The following ARL15 variants were observed in gnomAD, a reference collection of about 807,000 sequenced individuals.
ARL15 encodes the protein ARF like GTPase 15.
A neutral mutation model predicts 25.2 loss-of-function variants in ARL15; 19 were observed. That is an observed-to-expected ratio of 0.75 (90% confidence interval 0.53 to 1.10). The LOEUF is 1.10. ARL15 is among the 50% of genes least tolerant of loss of function. The pLI, the probability that ARL15 is intolerant of heterozygous loss-of-function variation, is 0.00. For missense variants in ARL15, 220 were observed against 246.0 expected, an observed-to-expected ratio of 0.89 and a Z score of 0.71; for synonymous variants, 94 against 86.8, an observed-to-expected ratio of 1.08 and a Z score of -0.46.
chr5:53,917,363 T>G (rs1370009041), intron 4 of ARL15, among the ~76,000 whole-genome samples: 2 of 152,186 alleles, frequency 1.3e-5, no homozygotes, highest in Non-Finnish European at 2.9e-5. Flanking sequence ...GATGGGCCCC[T>G]AGTGGAGATA....
chr5:54,058,609 G>C lies in ARL15; in HGVS notation c.462+54593C>G, dbSNP rs565782474. On this transcript the variant is annotated intron_variant, in intron 4 of 4. Transcript: ENST00000504924. Reference sequence around the variant, plus strand: ...TGAGCTCTGGGGAAATCTGGGCAGAGGGAAAAGCACAAAAGCTCCAAGGTA... The same window carrying C: ...TGAGCTCTGGGGAAATCTGGGCAGACGGAAAAGCACAAAAGCTCCAAGGTA... Among the ~76,000 whole-genome samples the C allele has an allele frequency of 2.0e-4, 30 of 152,302 alleles. No homozygotes were observed. The East Asian group carries it at 4.2e-3, about 22-fold the overall frequency.
At chr5:54,066,504 T>C (rs981560912) in intron 4 of ARL15, among the ~76,000 whole-genome samples, 2 of 152,172 alleles carry the variant, frequency 1.3e-5, no homozygotes, top group African/African-American at 4.8e-5. Flanking sequence ...CTATATATCA[T>C]GAAAGAAGAC....
At chr5:54,109,583 T>TG (rs1212637647) in intron 4 of ARL15, among the ~76,000 whole-genome samples, 2 of 151,988 alleles carry the variant, frequency 1.3e-5, no homozygotes, top group East Asian at 3.8e-4. Flanking sequence ...CCTCCTGATC[T>TG]ATTAAATAAC....
chr5:53,902,282 T>C (rs992884775), intron 4 of ARL15, among the ~76,000 whole-genome samples: 1 of 152,252 alleles, frequency 6.6e-6, no homozygotes, highest in African/African-American at 2.4e-5. Flanking sequence ...TTGTCAAGTC[T>C]AGCTATTCTC....
At chr5:54,172,623 G>A (rs893117175) in intron 1 of ARL15, among the ~76,000 whole-genome samples, 1 of 152,136 alleles carries the variant, frequency 6.6e-6, no homozygotes, top group African/African-American at 2.4e-5. Flanking sequence ...GGGTCTTGAT[G>A]TCCACAATTA....
chr5:54,218,852 G>A (rs1182330023), intron 1 of ARL15, among the ~76,000 whole-genome samples: 1 of 152,150 alleles, frequency 6.6e-6, no homozygotes, highest in Admixed American at 6.5e-5. Context: ...TTTAACCTAT[G>A]TGATGGAGCA....
intron 4 of ARL15, among the ~76,000 whole-genome samples, chr5:54,021,746 G>T (rs998697405): frequency 1.3e-5 from 2 of 152,018 alleles, no homozygotes; most frequent in Non-Finnish European, 2.9e-5. Flanking sequence ...CCCAAATTTG[G>T]CAAAAAGACA....
At chr5:54,083,391 AATAT>A (rs1341475875) in intron 4 of ARL15, among the ~76,000 whole-genome samples, 1 of 151,386 alleles carries the variant, frequency 6.6e-6, no homozygotes, top group African/African-American at 2.5e-5. Flanking sequence ...GTTTCTCTTA[AATAT>A]TCTATGCAAT....
At chr5:54,138,113 G>T (rs1294531128) in intron 3 of ARL15, among the ~76,000 whole-genome samples, 1 of 152,100 alleles carries the variant, frequency 6.6e-6, no homozygotes, top group African/African-American at 2.4e-5. Flanking sequence ...CTTAATAAGA[G>T]TTACTAATGT....
At chr5:54,088,040 A>C (rs929870807) in intron 4 of ARL15, among the ~76,000 whole-genome samples, 2 of 152,214 alleles carry the variant, frequency 1.3e-5, no homozygotes, top group Non-Finnish European at 2.9e-5. Flanking sequence ...TTGATTGTAC[A>C]GTTACAAAAA....
chr5:54,098,938 GAGAGTA>G (rs1752360994), intron 4 of ARL15, among the ~76,000 whole-genome samples: 4 of 152,182 alleles, frequency 2.6e-5, no homozygotes, highest in Non-Finnish European at 5.9e-5. Flanking sequence ...ATTTAAATCT[GAGAGTA>G]AGAGTTGGTG....
At chr5:54,288,396 C>T (rs1445359390) in intron 1 of ARL15, among the ~76,000 whole-genome samples, 1 of 152,188 alleles carries the variant, frequency 6.6e-6, no homozygotes, top group African/African-American at 2.4e-5. Flanking sequence ...TAATTTTGGA[C>T]CATAAGCTTA....
chr5:54,199,255 G>T (rs9764590), intron 1 of ARL15, among the ~76,000 whole-genome samples: 2 of 151,768 alleles, frequency 1.3e-5, no homozygotes, highest in Non-Finnish European at 2.9e-5. Context: ...TTCATGTCTA[G>T]AACACCAAAA....
chr5:53,978,436 C>G (rs551495468), intron 4 of ARL15, among the ~76,000 whole-genome samples: 1 of 151,664 alleles, frequency 6.6e-6, no homozygotes, highest in African/African-American at 2.4e-5. Context: ...TTAGCTTCCC[C>G]GAAACTTGTT....
At chr5:54,244,621 G>A (rs1757039342) in intron 1 of ARL15, among the ~76,000 whole-genome samples, 1 of 152,084 alleles carries the variant, frequency 6.6e-6, no homozygotes, top group Admixed American at 6.5e-5. Context: ...TAAATATAAA[G>A]TAATGGGCTT....
chr5:54,143,925 C>T (rs1049819997), intron 3 of ARL15, among the ~76,000 whole-genome samples: 46 of 151,932 alleles, frequency 3.0e-4, no homozygotes, highest in African/African-American at 1.1e-3. Flanking sequence ...CTTTAAGACA[C>T]ATAAACTTCA....
chr5:54,234,364 T>C (rs1756748112), intron 1 of ARL15, among the ~76,000 whole-genome samples: 1 of 151,970 alleles, frequency 6.6e-6, no homozygotes, highest in African/African-American at 2.4e-5. Context: ...TAAATATCAA[T>C]ACCCACATTA....
intron 4 of ARL15, among the ~76,000 whole-genome samples, chr5:53,917,049 GGAGAACAA>G (rs1745675264): frequency 2.0e-5 from 3 of 152,118 alleles, no homozygotes; most frequent in African/African-American, 7.2e-5. Context: ...TTTTCTTGCT[GGAGAACAA>G]AAGCATCAGG....
rs143961351 is a variant in ARL15 at position 54,308,691 on chromosome 5, A to G, written c.48+1741T>C. On this transcript the variant is annotated intron_variant, in intron 1 of 4. Coordinates refer to ENST00000504924, the MANE Select transcript of ARL15 (RefSeq NM_019087.3). The stretch of plus-strand genomic sequence containing the variant: ...ATCCACTCACCTTTAGACTATGCCT[A>G]TCTAGAGGTTAGCCTGAGTAATTAA... Among the ~76,000 whole-genome samples, 103 of 152,348 alleles carry G rather than the reference A, an allele frequency of 6.8e-4. 2 individuals are homozygous for G. In the East Asian group the frequency reaches 0.017, roughly 25 times the overall value.
Sources: allele counts gnomAD v4.1 joint callset (sites outside exome capture counted in the v4.1 genomes callset), GRCh38; gene constraint gnomAD v4.1.1; transcripts MANE v1.5; gene names NCBI Gene and HGNC (gene_info 2026-07-23, HGNC 2026-07-21).